The following GRID2 variants were observed in gnomAD, a reference collection of about 807,000 sequenced individuals.
GRID2 encodes glutamate receptor ionotropic, delta-2.
A neutral mutation model predicts 114.8 loss-of-function variants in GRID2; 33 were observed. The observed-to-expected ratio is 0.29, with a 90% CI of 0.22 to 0.38. GRID2 has a LOEUF of 0.38. Ranked by LOEUF, GRID2 falls within the 10% of genes least tolerant of loss-of-function variation. The pLI is 1.00. For missense variants in GRID2, 1,184 were observed against 1,257.7 expected (o/e 0.94, Z 0.89); for synonymous variants, 505 against 449.9 (o/e 1.12, Z -1.55).
At chr4:93,063,079 T>C (rs1003794085) in intron 2 of GRID2, among the ~76,000 whole-genome samples, 1 of 151,918 alleles carries the variant, frequency 6.6e-6, no homozygotes, top group Non-Finnish European at 1.5e-5. Flanking sequence ...CTGGTAACAG[T>C]GATGTTTGGG....
intron 13 of GRID2, among the ~76,000 whole-genome samples, chr4:93,592,880 C>T (rs1312763998): frequency 6.6e-6 from 1 of 151,860 alleles, no homozygotes; most frequent in Admixed American, 6.6e-5. Context: ...GGATTGCAAC[C>T]CCTGCCTTTT....
In GRID2 at chr4:92,667,996, C is replaced by T. The variant is rs142491839; in HGVS notation, c.244+77710C>T. On this transcript the variant is annotated intron_variant, in intron 2 of 15. Coordinates refer to ENST00000282020, the MANE Select transcript of GRID2 (RefSeq NM_001510.4). ...GAGAGCTTTCAGCATGTGGTACTAC[C>T]GGTATCATCAAACTGAAAAAGCAGA... Among the ~76,000 whole-genome samples the T allele has an allele frequency of 2.9e-4, 44 of 151,816 alleles. 1 individual carries two copies. In the South Asian group the frequency reaches 4.3e-3, roughly 15 times the overall value.
At chr4:92,417,521 T>C (rs1183575970) in intron 1 of GRID2, among the ~76,000 whole-genome samples, 3 of 151,972 alleles carry the variant, frequency 2.0e-5, no homozygotes, top group Admixed American at 1.3e-4. Context: ...AGTAGAGTAA[T>C]TAATTGTAAC....
At chr4:93,218,813 T>TCA (rs1744540429) in intron 6 of GRID2, among the ~76,000 whole-genome samples, 2 of 152,286 alleles carry the variant, frequency 1.3e-5, no homozygotes, top group Non-Finnish European at 2.9e-5. Context: ...TCAGGAAACT[T>TCA]ACATTCATGG....
intron 2 of GRID2, among the ~76,000 whole-genome samples, chr4:92,730,673 A>G (rs1202759743): frequency 6.6e-6 from 1 of 151,964 alleles, no homozygotes; most frequent in Non-Finnish European, 1.5e-5. Context: ...CAAAGTAATA[A>G]TAACATGGCA....
chr4:92,742,280 A>G (rs1736930230), intron 2 of GRID2, among the ~76,000 whole-genome samples: 1 of 152,120 alleles, frequency 6.6e-6, no homozygotes, highest in Non-Finnish European at 1.5e-5. Flanking sequence ...ATTATCATTC[A>G]GTCTGTTGAA....
At chr4:92,667,163 C>T (rs921998378) in intron 2 of GRID2, among the ~76,000 whole-genome samples, 2 of 151,592 alleles carry the variant, frequency 1.3e-5, no homozygotes, top group African/African-American at 4.8e-5. Context: ...AAGATACAAG[C>T]CTTTATAGCA....
intron 1 of GRID2, among the ~76,000 whole-genome samples, chr4:92,407,376 A>C (rs1403792041): frequency 1.3e-5 from 2 of 152,166 alleles, no homozygotes; most frequent in Non-Finnish European, 2.9e-5. Flanking sequence ...TATTGTGAAT[A>C]GTGCTGCAGT....
At chr4:93,031,190 C>A (rs1724397748) in intron 2 of GRID2, among the ~76,000 whole-genome samples, 1 of 151,588 alleles carries the variant, frequency 6.6e-6, no homozygotes, top group Admixed American at 6.6e-5. Flanking sequence ...GGACTATAGG[C>A]ACCTGCCACC....
intron 2 of GRID2, among the ~76,000 whole-genome samples, chr4:92,835,505 C>T (rs1047152577): frequency 2.6e-5 from 4 of 152,054 alleles, no homozygotes; most frequent in Admixed American, 2.0e-4. Flanking sequence ...GTTTCTCATA[C>T]GTATGAGGCT....
chr4:92,762,448 T>TA (rs11326827), intron 2 of GRID2, among the ~76,000 whole-genome samples: 336 of 148,212 alleles, frequency 2.3e-3, no homozygotes, highest in South Asian at 5.5e-3. Context: ...TTGCTAAAAT[T>TA]AAAAAAAAAA....
chr4:93,290,870 T>C (rs1579562716), intron 8 of GRID2, among the ~76,000 whole-genome samples: 2 of 131,224 alleles, frequency 1.5e-5, no homozygotes, highest in African/African-American at 2.9e-5. Flanking sequence ...GCATACAAGT[T>C]ACTTTTTTTT....
At chr4:93,645,147 A>G (rs1721993865) in intron 14 of GRID2, among the ~76,000 whole-genome samples, 1 of 152,200 alleles carries the variant, frequency 6.6e-6, no homozygotes, top group African/African-American at 2.4e-5. Context: ...GGGAAGGAAA[A>G]GATATTGTGA....
intron 2 of GRID2, among the ~76,000 whole-genome samples, chr4:92,994,842 T>C (rs1173923834): frequency 6.6e-6 from 1 of 152,170 alleles, no homozygotes; most frequent in Non-Finnish European, 1.5e-5. Context: ...GGTGAGAACC[T>C]GGTGAATGAG....
At chr4:93,031,771 G>T (rs973250652) in intron 2 of GRID2, among the ~76,000 whole-genome samples, 1 of 151,256 alleles carries the variant, frequency 6.6e-6, no homozygotes, top group African/African-American at 2.4e-5. Context: ...AAATTACCCA[G>T]TCTTAGGTAT....
At chr4:93,681,232 G>C (rs1216786933) in intron 14 of GRID2, among the ~76,000 whole-genome samples, 1 of 151,318 alleles carries the variant, frequency 6.6e-6, no homozygotes, top group East Asian at 1.9e-4. Flanking sequence ...GGACGTGAAG[G>C]ACCTCTTCAA....
At chr4:92,963,184 G>C (rs1560750051) in intron 2 of GRID2, among the ~76,000 whole-genome samples, 1 of 152,146 alleles carries the variant, frequency 6.6e-6, no homozygotes, top group East Asian at 1.9e-4. Flanking sequence ...GTTGGTGCCT[G>C]ATTAGGGTGG....
intron 8 of GRID2, among the ~76,000 whole-genome samples, chr4:93,392,401 C>T (rs990673367): frequency 6.6e-6 from 1 of 152,140 alleles, no homozygotes; most frequent in Non-Finnish European, 1.5e-5. Context: ...TTTTATCAAA[C>T]ACTATGCCTG....
chr4:93,081,183 A>G (rs1382979866), intron 2 of GRID2, among the ~76,000 whole-genome samples: 1 of 152,158 alleles, frequency 6.6e-6, no homozygotes, highest in Non-Finnish European at 1.5e-5. Flanking sequence ...AGGAAGTTAT[A>G]TCGGGACAAA....
Sources: gnomAD v4.1 joint callset for allele counts (sites outside exome capture counted in the v4.1 genomes callset) on GRCh38, gnomAD v4.1.1 for gene constraint, MANE v1.5 for transcripts, NCBI Gene and HGNC (gene_info 2026-07-23, HGNC 2026-07-21) for gene names.